The following NRDC variants were observed in gnomAD, a reference collection of about 807,000 sequenced individuals.
The protein encoded by NRDC is nardilysin convertase.
A neutral mutation model predicts 147.1 loss-of-function variants in NRDC; 54 were observed. The ratio of observed to expected loss-of-function variants is 0.37; its 90% CI spans 0.29 to 0.46. NRDC has a LOEUF of 0.46. Among genes scored for constraint, NRDC ranks in the 20% least tolerant of loss-of-function variants. The pLI, the probability that NRDC is intolerant of heterozygous loss-of-function variation, is 1.00. For missense variants in NRDC, 1,082 were observed against 1,370.6 expected (o/e 0.79, Z 3.33); for synonymous variants, 440 against 482.1 (o/e 0.91, Z 1.14).
At chr1:51,829,504 T>G (rs1680607833) in intron 4 of NRDC, among the ~76,000 whole-genome samples, 3 of 152,252 alleles carry the variant, frequency 2.0e-5, no homozygotes, top group Non-Finnish European at 4.4e-5. Flanking sequence ...GGCAAAAATT[T>G]TCCATATTTC....
At chr1:51,830,991 T>C (rs1680682537) in intron 4 of NRDC, among the ~76,000 whole-genome samples, 1 of 152,332 alleles carries the variant, frequency 6.6e-6, no homozygotes, top group South Asian at 2.1e-4. Context: ...TATAATATTA[T>C]AGCATTTATT....
chr1:51,846,711 CA>C (rs754614761), intron 1 of NRDC, among the ~76,000 whole-genome samples: 2 of 152,222 alleles, frequency 1.3e-5, no homozygotes, highest in Non-Finnish European at 2.9e-5. Flanking sequence ...GATTTATCGC[CA>C]ACAGCGATGG....
chr1:51,855,848 G>A (rs1044687841), intron 1 of NRDC, among the ~76,000 whole-genome samples: 1 of 151,574 alleles, frequency 6.6e-6, no homozygotes, highest in Non-Finnish European at 1.5e-5. Flanking sequence ...ACTCCAGCAT[G>A]GGTGACAGAT....
chr1:51,878,397 G>A lies in NRDC; in HGVS notation c.219C>T (p.Gly73=). 1.2e-6 allele frequency: 2 copies of A among 1,614,044 alleles called. No homozygotes were observed. Residue 73 remains glycine, a synonymous_variant, in exon 1 of 31, where the codon GGC becomes GGT. Coordinates refer to ENST00000352171, the MANE Select transcript of NRDC (RefSeq NM_001101662.2). ...CTAGACGGGCAACCCGGCTGTTCTC[G>A]CCCAGATCCTGTCCATTGGGCTGCA... ...PDLQPNGQDL[G]ENSRVARLGA...
At chr1:51,815,258 A>T (rs1174141593) in intron 11 of NRDC, among the ~76,000 whole-genome samples, 6 of 150,472 alleles carry the variant, frequency 4.0e-5, no homozygotes, top group Non-Finnish European at 8.9e-5. Context: ...TCCTGGGCTC[A>T]AGCAATCCTC....
In NRDC at chr1:51,840,431, T is replaced by A; in HGVS notation, c.425A>T (p.Asp142Val). 2 of 1,608,148 alleles carry A rather than the reference T, an allele frequency of 1.2e-6. No individual in the cohort carries two copies. The highest frequency in any genetic ancestry group is 1.7e-6 in the Non-Finnish European group (2 of 1,174,788). Reference sequence around the variant, plus strand: ...CTCCACCTCCTCTTCTTCTTCATCATCTGTTGTATTTCCTGTTTTACCTTC... The same window carrying A: ...CTCCACCTCCTCTTCTTCTTCATCAACTGTTGTATTTCCTGTTTTACCTTC... ...NMEGKTGNTT[D>V]DEEEEEVEEE... Residue 142 changes from aspartate (D) to valine (V), a missense_variant, in exon 2 of 31, where the codon GAT becomes GTT. This residue lies in a region of NRDC where 260 missense variants were observed against 253.2 expected (regional missense o/e 1.03). Coordinates refer to ENST00000352171, the MANE Select transcript of NRDC (RefSeq NM_001101662.2).
intron 18 of NRDC, among the ~76,000 whole-genome samples, chr1:51,806,514 A>G (rs1679471787): frequency 6.6e-6 from 1 of 152,216 alleles, no homozygotes; most frequent in Non-Finnish European, 1.5e-5. Flanking sequence ...CTGGTAGATA[A>G]GCCTAGAAAA....
intron 10 of NRDC, among the ~76,000 whole-genome samples, chr1:51,817,627 C>T (rs1477091079): frequency 3.3e-5 from 5 of 152,144 alleles, no homozygotes; most frequent in African/African-American, 1.2e-4. Context: ...CTGCAACCTC[C>T]ACCTCTCAGC....
At chr1:51,803,685 G>T in intron 20 of NRDC, 129 bp downstream of exon 20, 1 of 686,938 alleles carries the variant, frequency 1.5e-6, no homozygotes, top group Non-Finnish European at 2.3e-6. Flanking sequence ...GCTGTCATCA[G>T]CCAAGAATAT....
In NRDC at chr1:51,807,035, T is replaced by C. The variant is rs61783362; in HGVS notation, c.1991-122A>G. The C allele has an allele frequency of 2.1e-3, 2,396 of 1,124,310 alleles. 10 individuals carry two copies. The highest frequency in any genetic ancestry group is 4.2e-3 in the South Asian group (254 of 59,918). 69.6% of individuals were successfully genotyped at this position (1,124,310 alleles called of 1,614,324 possible). A position where few individuals can be genotyped will look rare whatever the true frequency, so the allele number is the denominator to read the frequency against. Reference sequence around the variant, plus strand: ...GGCAAAAATAAGCCAAATTCAAATGTTGGAATACATTAAATTAGTAGACCA... The same window carrying C: ...GGCAAAAATAAGCCAAATTCAAATGCTGGAATACATTAAATTAGTAGACCA... On this transcript the variant is annotated intron_variant, in intron 17 of 30. Coordinates refer to ENST00000352171, the MANE Select transcript of NRDC (RefSeq NM_001101662.2).
At chr1:51,844,193 C>G (rs1343937713) in intron 1 of NRDC, among the ~76,000 whole-genome samples, 2 of 152,002 alleles carry the variant, frequency 1.3e-5, no homozygotes, top group African/African-American at 4.8e-5. Flanking sequence ...TCTCAGCAGG[C>G]TAAGTAAAGC....
chr1:51,805,885 C>T (rs1249823407), intron 18 of NRDC, among the ~76,000 whole-genome samples: 1 of 152,108 alleles, frequency 6.6e-6, no homozygotes, highest in Non-Finnish European at 1.5e-5. Context: ...AGAACAACTC[C>T]AGCATTCACA....
chr1:51,853,721 A>G (rs1174720389), intron 1 of NRDC, among the ~76,000 whole-genome samples: 1 of 152,198 alleles, frequency 6.6e-6, no homozygotes, highest in East Asian at 1.9e-4. Context: ...CCAAGCAGGG[A>G]GGAGTGTGTA....
intron 1 of NRDC, among the ~76,000 whole-genome samples, chr1:51,852,364 A>G (rs922328465): frequency 1.3e-5 from 2 of 151,516 alleles, no homozygotes; most frequent in African/African-American, 4.8e-5. Context: ...ATTTGAAAGG[A>G]TATTTTTTTA....
rs750349744 is a variant in NRDC, at chr1:51,878,334, A to G, written c.282T>C (p.Ser94=). 8 of 1,613,984 alleles carry G rather than the reference A, an allele frequency of 5.0e-6. No individual in the cohort carries two copies. Among genetic ancestry groups the G allele is most frequent in the Non-Finnish European group, 6.8e-6 (8 of 1,180,016 alleles). The change falls in exon 1 of 31, where the codon TCT becomes TCC. Residue 94 remains serine (S), a synonymous_variant. Transcript: ENST00000352171. ...DESEEEGRRG[S]LSNAGDPEIV... is the part of the protein sequence containing the mutation. ...TCTCAGGGTCCCCAGCATTACTGAGAGACCCCCTCCGTCCCTCTTCCTCAG... is the reference window on the plus strand; with the variant it reads ...TCTCAGGGTCCCCAGCATTACTGAGGGACCCCCTCCGTCCCTCTTCCTCAG...
intron 5 of NRDC, among the ~76,000 whole-genome samples, 175 bp downstream of exon 5, chr1:51,827,620 CA>C (rs1207823258): frequency 3.3e-5 from 5 of 151,646 alleles, no homozygotes; most frequent in Non-Finnish European, 7.4e-5. Context: ...TCATTTACTT[CA>C]AATCTACACT....
intron 28 of NRDC, 42 bp from the exon 29 acceptor site, chr1:51,790,691 A>T: frequency 1.5e-6 from 2 of 1,357,430 alleles, no homozygotes; most frequent in Non-Finnish European, 2.1e-6. Context: ...GAGGCAACAT[A>T]CCACTTCCCA....
chr1:51,841,168 G>A (rs1310691323), intron 1 of NRDC, among the ~76,000 whole-genome samples: 7 of 152,190 alleles, frequency 4.6e-5, no homozygotes, highest in Non-Finnish European at 1.0e-4. Flanking sequence ...TTGGGCTCAA[G>A]CAGCTCACCT....
At chr1:51,796,199 T>A (rs1678897564) in intron 22 of NRDC, among the ~76,000 whole-genome samples, 2 of 152,020 alleles carry the variant, frequency 1.3e-5, no homozygotes, top group Admixed American at 1.3e-4. Flanking sequence ...TTATTTTTCA[T>A]TTATTTGGCC....
Sources: gnomAD v4.1 joint callset for allele counts (sites outside exome capture counted in the v4.1 genomes callset) on GRCh38, gnomAD v4.1.1 for gene constraint, gnomAD v4.1.1 regional missense constraint, MANE v1.5 for transcripts, NCBI Gene and HGNC (gene_info 2026-07-23, HGNC 2026-07-21) for gene names.